Variants in RBFOX1 observed in about 807,000 individuals in gnomAD.
RBFOX1 encodes RNA binding fox-1 homolog 1, also known as RNA binding protein fox-1 homolog 1.
In RBFOX1, 8 loss-of-function variants were observed where a neutral mutation model predicts 57.7. The ratio of observed to expected loss-of-function variants is 0.14; its 90% CI spans 0.08 to 0.25. RBFOX1 has a LOEUF of 0.25. RBFOX1 is among the 10% of genes least tolerant of loss of function. The pLI is 1.00. For synonymous variants in RBFOX1, 326 were observed against 222.4 expected, an observed-to-expected ratio of 1.47 and a Z score of -4.15; for missense variants, 611 against 548.5, an observed-to-expected ratio of 1.11 and a Z score of -1.14.
At position 6,097,145 on chromosome 16, in the gene RBFOX1, T is replaced by C. The variant is rs1228467612; in HGVS notation, c.-127+77153T>C. Among the ~76,000 whole-genome samples, 4 of 152,204 alleles carry C rather than the reference T, an allele frequency of 2.6e-5. No individual in the cohort carries two copies. Among genetic ancestry groups the C allele is most frequent in the Non-Finnish European group, 2.9e-5 (2 of 68,040 alleles). ...GGAAATCGCTTTCACTTCGTTCTTA[T>C]ATTCTTTCCTGTCTGCTGCCTTGTA... On this transcript the variant is annotated intron_variant, in intron 1 of 15. Transcript: ENST00000550418. The surrounding 1 kb of genome is among the most constrained non-coding windows in gnomAD (Gnocchi z 5.0).
intron 10 of RBFOX1, among the ~76,000 whole-genome samples, chr16:7,612,680 T>G (rs918029539): frequency 6.6e-6 from 1 of 152,158 alleles, no homozygotes; most frequent in Admixed American, 6.5e-5. Context: ...AATGAAACTG[T>G]TGATTTACGG....
rs1322731700 is a variant in RBFOX1 at position 5,947,604 on chromosome 16, T to G, written c.351+80269T>G. 6.6e-6 allele frequency among the ~76,000 whole-genome samples: 1 copy of G among 152,238 alleles called. No individual in the cohort carries two copies. The highest frequency in any genetic ancestry group is 1.5e-5 in the Non-Finnish European group (1 of 68,038). ...TCCCAAAGTGCTGGGATTACATGCA[T>G]GATCCACCATGTCTTGACCCTTCGA... is the stretch of plus-strand genomic sequence containing the variant. On this transcript the variant is annotated intron_variant, in intron 4 of 19. Transcript: ENST00000641259. This position sits in a 1 kb window ranked among gnomAD's most constrained non-coding sequence, Gnocchi z 7.2.
chr16:6,423,410 G>A (rs552868369), intron 2 of RBFOX1, among the ~76,000 whole-genome samples: 1 of 151,900 alleles, frequency 6.6e-6, no homozygotes, highest in Non-Finnish European at 1.5e-5. Flanking sequence ...ACCAGCCTGG[G>A]CAACATGGTG....
intron 1 of RBFOX1, among the ~76,000 whole-genome samples, chr16:5,244,363 C>T (rs987730769): frequency 2.6e-5 from 4 of 152,202 alleles, no homozygotes. Flanking sequence ...TGGCTTTCTG[C>T]ACAAGACTTG....
chr16:7,502,232 C>G (rs1381626081), intron 4 of RBFOX1, among the ~76,000 whole-genome samples: 2 of 152,142 alleles, frequency 1.3e-5, no homozygotes, highest in South Asian at 4.1e-4. Flanking sequence ...CGAATGCAAG[C>G]CAACCGATAT....
intron 1 of RBFOX1, among the ~76,000 whole-genome samples, chr16:6,217,449 G>A (rs2097343139): frequency 6.6e-6 from 1 of 152,106 alleles, no homozygotes; most frequent in Admixed American, 6.5e-5. Context: ...GTATTATCGG[G>A]ACCTTCCTGG....
chr16:5,768,668 C>G (rs1018295551), intron 3 of RBFOX1, among the ~76,000 whole-genome samples: 1 of 152,156 alleles, frequency 6.6e-6, no homozygotes, highest in African/African-American at 2.4e-5. Flanking sequence ...CTATTCCACT[C>G]TGCCTGCTGG....
At chr16:5,540,918 C>T (rs546782531) in intron 2 of RBFOX1, among the ~76,000 whole-genome samples, 3 of 151,690 alleles carry the variant, frequency 2.0e-5, no homozygotes, top group East Asian at 1.9e-4. Flanking sequence ...GGTGTGATCT[C>T]GGCTCACTGC....
chr16:6,855,853 C>CCCTCTTTCCCTCCCTGTTTCCCTT (rs142108703), intron 3 of RBFOX1, among the ~76,000 whole-genome samples: 2 of 148,734 alleles, frequency 1.3e-5, no homozygotes, highest in Non-Finnish European at 3.0e-5. Context: ...CTCTTTCCCT[C>CCCTCTTTCCCTCCCTGTTTCCCTT]CCTTCCTTTC....
intron 2 of RBFOX1, among the ~76,000 whole-genome samples, chr16:6,410,666 A>C (rs2093430975): frequency 6.6e-6 from 1 of 152,176 alleles, no homozygotes; most frequent in South Asian, 2.1e-4. Flanking sequence ...GCGGAAGCAC[A>C]CTGATGTTGC....
chr16:6,585,107 A>G (rs906914915), intron 2 of RBFOX1, among the ~76,000 whole-genome samples: 3 of 152,108 alleles, frequency 2.0e-5, no homozygotes, highest in African/African-American at 4.8e-5. Flanking sequence ...ATAATACACA[A>G]TGGTTAGCAT....
intron 2 of RBFOX1, among the ~76,000 whole-genome samples, chr16:5,480,011 G>A (rs962455007): frequency 1.3e-5 from 2 of 152,036 alleles, no homozygotes; most frequent in African/African-American, 4.8e-5. Flanking sequence ...CTTGCCTACA[G>A]GCCTGGCTTT....
At chr16:6,481,358 T>C (rs561108377) in intron 2 of RBFOX1, among the ~76,000 whole-genome samples, 6 of 152,350 alleles carry the variant, frequency 3.9e-5, no homozygotes, top group African/African-American at 1.4e-4. Context: ...TTTATATCAA[T>C]AACCAGGTCT....
intron 2 of RBFOX1, chr16:6,483,357 G>A: frequency 2.0e-6 from 3 of 1,496,970 alleles, no homozygotes; most frequent in South Asian, 1.3e-5. Context: ...AGGCAGCCCG[G>A]GCGAGCGAAG....
intron 4 of RBFOX1, among the ~76,000 whole-genome samples, chr16:7,092,459 T>C (rs1012861835): frequency 6.6e-6 from 1 of 152,236 alleles, no homozygotes; most frequent in Non-Finnish European, 1.5e-5. Flanking sequence ...TTTTGTACCA[T>C]TCAATATTTT....
intron 3 of RBFOX1, among the ~76,000 whole-genome samples, chr16:6,913,068 C>G (rs2072122644): frequency 6.6e-6 from 1 of 151,996 alleles, no homozygotes; most frequent in Non-Finnish European, 1.5e-5. Flanking sequence ...TGGAAAGGGC[C>G]CCAGGCAGGA....
At position 7,131,413 on chromosome 16, in the gene RBFOX1, A is replaced by C. The variant is rs539638850; in HGVS notation, c.27+79315A>C. On this transcript the variant is annotated intron_variant, in intron 4 of 15. Coordinates refer to ENST00000550418, the MANE Select transcript of RBFOX1 (RefSeq NM_018723.4). ...GGTTCTGCTTAGTCAGTGCCTACTT[A>C]TGTTTTAAGTTATAGTTGGCCACTT... is the stretch of plus-strand genomic sequence containing the variant. Among the ~76,000 whole-genome samples, 14 of 123,930 alleles carry C rather than the reference A, an allele frequency of 1.1e-4. No individual in the cohort carries two copies. The Admixed American group carries it at 1.3e-3, about 12-fold the overall frequency. 81.3% of individuals were successfully genotyped at this position (123,930 alleles called of 152,430 possible). A position where few individuals can be genotyped will look rare whatever the true frequency, so the allele number is the denominator to read the frequency against.
At chr16:7,708,200 C>A (rs1188958646) in intron 14 of RBFOX1, among the ~76,000 whole-genome samples, 2 of 152,038 alleles carry the variant, frequency 1.3e-5, no homozygotes, top group African/African-American at 4.8e-5. Flanking sequence ...AAGATCTGCC[C>A]TGTCTAGTTA....
intron 4 of RBFOX1, among the ~76,000 whole-genome samples, chr16:5,884,703 C>G (rs1479303599): frequency 6.6e-6 from 1 of 152,034 alleles, no homozygotes; most frequent in Non-Finnish European, 1.5e-5. Context: ...TGTACTTTTG[C>G]CACAGTTGCC....
Sources: allele counts gnomAD v4.1 joint callset (sites outside exome capture counted in the v4.1 genomes callset), GRCh38; gene constraint gnomAD v4.1.1; non-coding constraint Gnocchi (gnomAD v3.1); transcripts MANE v1.5; gene names NCBI Gene and HGNC (gene_info 2026-07-23, HGNC 2026-07-21).